The following DNAH5 variants were observed in gnomAD, a reference collection of about 807,000 sequenced individuals.
The protein encoded by DNAH5 is dynein axonemal heavy chain 5, also known as axonemal beta dynein heavy chain 5.
Under a neutral mutation model 518.2 loss-of-function variants are expected in DNAH5, and 372 were observed. That is an observed-to-expected ratio of 0.72 (90% confidence interval 0.66 to 0.78). DNAH5 has a LOEUF of 0.78. DNAH5 is among the 30% of genes least tolerant of loss of function. The pLI, the probability that DNAH5 is intolerant of heterozygous loss-of-function variation, is 0.00. For synonymous variants in DNAH5, 2,039 were observed against 2,025.9 expected (o/e 1.01, Z -0.17); for missense variants, 5,523 against 5,687.0 (o/e 0.97, Z 0.93).
chr5:13,894,175 G>A (rs185738991), intron 16 of DNAH5, among the ~76,000 whole-genome samples: 33 of 152,194 alleles, frequency 2.2e-4, no homozygotes, highest in Middle Eastern at 3.4e-3. Flanking sequence ...CAACATACCC[G>A]TACACATTCC....
At chr5:13,996,128 T>C (rs912427143) in intron 1 of DNAH5, among the ~76,000 whole-genome samples, 2 of 152,202 alleles carry the variant, frequency 1.3e-5, no homozygotes, top group African/African-American at 4.8e-5. Flanking sequence ...ATTAAAGGTG[T>C]TTCCCATACA....
intron 1 of DNAH5, among the ~76,000 whole-genome samples, chr5:13,955,320 G>A (rs1780689338): frequency 6.6e-6 from 1 of 152,142 alleles, no homozygotes; most frequent in Admixed American, 6.5e-5. Context: ...TGTTAAGCCT[G>A]TGGAAACATG....
intron 55 of DNAH5, among the ~76,000 whole-genome samples, chr5:13,773,761 A>G (rs901007093): frequency 3.9e-5 from 6 of 152,196 alleles, no homozygotes; most frequent in African/African-American, 1.4e-4. Flanking sequence ...AGTGCTATGG[A>G]ATGGATAACA....
intron 58 of DNAH5, 33 bp downstream of exon 58, chr5:13,768,927 A>G: frequency 4.3e-6 from 7 of 1,613,188 alleles, no homozygotes; most frequent in Middle Eastern, 1.6e-4. Flanking sequence ...CTTAAGCCCT[A>G]AAGCTGACAT....
intron 65 of DNAH5, among the ~76,000 whole-genome samples, chr5:13,743,870 T>C (rs1487366216): frequency 6.6e-6 from 1 of 152,038 alleles, no homozygotes; most frequent in Non-Finnish European, 1.5e-5. Flanking sequence ...GAATGTAAAC[T>C]AGAACAACCA....
At chr5:13,935,338 C>T (rs1312372757) in intron 1 of DNAH5, among the ~76,000 whole-genome samples, 1 of 152,090 alleles carries the variant, frequency 6.6e-6, no homozygotes, top group Admixed American at 6.6e-5. Flanking sequence ...GGAAATCACT[C>T]CCTAAAATAG....
Position 13,911,375 on chromosome 5 carries a change from A to G in DNAH5, c.1644+11T>C. ...CACGACTGTCAACAGGAATTTTATT[A>G]TACAACCTACATGAAGGTCATTAGT... On this transcript the variant is annotated intron_variant, in intron 12 of 78. Transcript: ENST00000265104. 6.2e-7 allele frequency: 1 copy of G among 1,603,822 alleles called. No individual in the cohort carries two copies. The highest frequency in any genetic ancestry group is 8.5e-7 in the Non-Finnish European group (1 of 1,170,758).
chr5:13,977,357 G>A (rs1365948858), intron 1 of DNAH5, among the ~76,000 whole-genome samples: 6 of 152,224 alleles, frequency 3.9e-5, no homozygotes, highest in East Asian at 1.9e-4. Context: ...TGTCTCTCCC[G>A]TCTCTGTCCC....
At chr5:13,888,074 C>T (rs1037340980) in intron 17 of DNAH5, among the ~76,000 whole-genome samples, 46 of 152,276 alleles carry the variant, frequency 3.0e-4, no homozygotes, top group Admixed American at 2.6e-3. Context: ...GGTCATGACA[C>T]GGGGACTCAA....
At chr5:13,794,233 C>T (rs1223492476) in intron 47 of DNAH5, among the ~76,000 whole-genome samples, 175 bp from the exon 48 acceptor site, 2 of 152,220 alleles carry the variant, frequency 1.3e-5, no homozygotes, top group African/African-American at 2.4e-5. Flanking sequence ...TCTTGTATAA[C>T]ATTCACAAAA....
chr5:13,707,313 C>T lies in DNAH5; in HGVS notation c.13338+810G>A, dbSNP rs1447157070. 6.6e-6 allele frequency among the ~76,000 whole-genome samples: 1 copy of T among 152,208 alleles called. No homozygotes were observed. The highest frequency in any genetic ancestry group is 2.4e-5 in the African/African-American group (1 of 41,464). ...GAGCAACTTCCACCACTCAATAAAA[C>T]CTTGCACCCGACCTCTAAGCCCACA... On this transcript the variant is annotated intron_variant, in intron 76 of 78. Coordinates refer to ENST00000265104, the MANE Select transcript of DNAH5 (RefSeq NM_001369.3). This position sits in a 1 kb window ranked among gnomAD's most constrained non-coding sequence, Gnocchi z 4.0.
chr5:13,697,135 T>A (rs1016712405), intron 78 of DNAH5, among the ~76,000 whole-genome samples: 1 of 152,210 alleles, frequency 6.6e-6, no homozygotes, highest in Non-Finnish European at 1.5e-5. Context: ...ATGGGAAACA[T>A]TTTTACAATA....
chr5:14,001,843 C>T (rs1279150306), intron 1 of DNAH5, among the ~76,000 whole-genome samples: 29 of 152,188 alleles, frequency 1.9e-4, no homozygotes, highest in African/African-American at 2.4e-5. Flanking sequence ...AGAGCTCATG[C>T]ACCATCAAAC....
intron 22 of DNAH5, among the ~76,000 whole-genome samples, chr5:13,872,188 A>G (rs575497448): frequency 1.3e-5 from 2 of 152,184 alleles, no homozygotes; most frequent in South Asian, 2.1e-4. Flanking sequence ...TCATTGACTG[A>G]ACCCACTGGA....
chr5:13,980,048 C>T (rs1014544940), intron 1 of DNAH5, among the ~76,000 whole-genome samples: 1 of 152,076 alleles, frequency 6.6e-6, no homozygotes, highest in African/African-American at 2.4e-5. Flanking sequence ...CCATGTTGGC[C>T]AGAATGGTCT....
chr5:13,830,549 T>C (rs780335117), intron 36 of DNAH5, 48 bp downstream of exon 36: 1 of 1,600,038 alleles, frequency 6.2e-7, no homozygotes, highest in Non-Finnish European at 8.6e-7. Flanking sequence ...AGCAAAATAT[T>C]CCACCTTGGC....
chr5:13,722,168 T>G (rs1745142768), intron 70 of DNAH5, among the ~76,000 whole-genome samples: 1 of 152,128 alleles, frequency 6.6e-6, no homozygotes, highest in African/African-American at 2.4e-5. Flanking sequence ...CCACTCCAAT[T>G]CCCGGAGAAA....
At chr5:13,916,587 C>CCTG in intron 8 of DNAH5, 132 bp from the exon 9 acceptor site, 2 of 461,556 alleles carry the variant, frequency 4.3e-6, no homozygotes, top group South Asian at 2.5e-5. Context: ...CTATTTAATG[C>CCTG]TTTACATGAA....
At chr5:13,915,179 A>G (rs1442106655) in intron 9 of DNAH5, among the ~76,000 whole-genome samples, 1 of 152,134 alleles carries the variant, frequency 6.6e-6, no homozygotes, top group Admixed American at 6.5e-5. Flanking sequence ...TGGATAAAGC[A>G]TAAGGAAAAT....
Sources: gnomAD v4.1 joint callset for allele counts (sites outside exome capture counted in the v4.1 genomes callset) on GRCh38, gnomAD v4.1.1 for gene constraint, Gnocchi (gnomAD v3.1) non-coding constraint, MANE v1.5 for transcripts, NCBI Gene and HGNC (gene_info 2026-07-23, HGNC 2026-07-21) for gene names.